GALNTL6: variants seen among roughly 807,000 people sequenced by gnomAD.
GALNTL6 encodes polypeptide N-acetylgalactosaminyltransferase-like 6.
GALNTL6 carries 46 observed loss-of-function variants against 73.7 expected under a neutral mutation model. That is an observed-to-expected ratio of 0.62 (90% confidence interval 0.49 to 0.80). GALNTL6 has a LOEUF of 0.80. Among genes scored for constraint, GALNTL6 ranks in the 30% least tolerant of loss-of-function variants. The pLI is 0.00. For missense variants in GALNTL6, 604 were observed against 755.0 expected (o/e 0.80, Z 2.34); for synonymous variants, 259 against 263.7 (o/e 0.98, Z 0.17).
chr4:172,998,065 C>T (rs968375073), intron 10 of GALNTL6, among the ~76,000 whole-genome samples: 2 of 152,070 alleles, frequency 1.3e-5, no homozygotes, highest in African/African-American at 4.8e-5. Context: ...CCCAACAAGT[C>T]CCAGGGCAAG....
intron 5 of GALNTL6, among the ~76,000 whole-genome samples, chr4:172,610,389 T>C (rs1257136904): frequency 6.6e-6 from 1 of 152,116 alleles, no homozygotes; most frequent in African/African-American, 2.4e-5. Flanking sequence ...GAGATTCTGG[T>C]ATGTTGTATC....
chr4:172,973,914 A>G (rs1235481641), intron 10 of GALNTL6, among the ~76,000 whole-genome samples: 2 of 152,230 alleles, frequency 1.3e-5, no homozygotes, highest in African/African-American at 4.8e-5. Context: ...TGGGAAATGT[A>G]TAGATGAGGA....
rs181442626 is a variant in GALNTL6, at chr4:171,894,712, C to A, written c.138+79994C>A. On this transcript the variant is annotated intron_variant, in intron 2 of 12. Transcript: ENST00000506823. ...AATCAAAGTTAAATGATTCAAGTGA[C>A]AAAGTTGATACTGAATCGCCCCAAA... Among the ~76,000 whole-genome samples the A allele has an allele frequency of 2.0e-5, 3 of 152,176 alleles. No individual in the cohort carries two copies. In the East Asian group the frequency reaches 5.8e-4, roughly 29 times the overall value.
At chr4:172,026,745 T>G (rs894627296) in intron 2 of GALNTL6, among the ~76,000 whole-genome samples, 1 of 152,178 alleles carries the variant, frequency 6.6e-6, no homozygotes, top group Admixed American at 6.6e-5. Context: ...GACTTTTACA[T>G]GTACTATGTA....
intron 2 of GALNTL6, among the ~76,000 whole-genome samples, chr4:171,848,619 A>G (rs1735438013): frequency 6.6e-6 from 1 of 152,212 alleles, no homozygotes; most frequent in Admixed American, 6.5e-5. Context: ...CTTCTACATC[A>G]GCGTCTACTG....
intron 3 of GALNTL6, among the ~76,000 whole-genome samples, chr4:172,238,576 T>G (rs1737317702): frequency 1.3e-5 from 2 of 150,840 alleles, no homozygotes; most frequent in South Asian, 2.1e-4. Context: ...CTCTTTCTAT[T>G]TAGATGCTTT....
chr4:172,599,589 T>A (rs1355475309), intron 5 of GALNTL6, among the ~76,000 whole-genome samples: 1 of 152,144 alleles, frequency 6.6e-6, no homozygotes, highest in Middle Eastern at 3.4e-3. Context: ...AAGGAAAAAA[T>A]TTCTTACCAT....
At chr4:172,195,359 T>C (rs1392398934) in intron 2 of GALNTL6, among the ~76,000 whole-genome samples, 1 of 152,190 alleles carries the variant, frequency 6.6e-6, no homozygotes. Context: ...AACACCCTAC[T>C]GTCAATATTA....
intron 2 of GALNTL6, among the ~76,000 whole-genome samples, chr4:171,942,265 AATAT>A (rs1463387002): frequency 1.1e-4 from 17 of 150,784 alleles, no homozygotes; most frequent in African/African-American, 1.9e-4. Flanking sequence ...TAAATAAATA[AATAT>A]AATATACAGA....
intron 2 of GALNTL6, among the ~76,000 whole-genome samples, chr4:172,057,730 ATATATATAT>A (rs1731072275): frequency 1.2e-4 from 7 of 59,386 alleles, no homozygotes; most frequent in African/African-American, 4.6e-4. Flanking sequence ...AAAAAAAAAT[ATATATATAT>A]ATATATATAT....
At chr4:172,005,275 C>T (rs1356589715) in intron 2 of GALNTL6, among the ~76,000 whole-genome samples, 1 of 151,992 alleles carries the variant, frequency 6.6e-6, no homozygotes, top group African/African-American at 2.4e-5. Flanking sequence ...CAGGTATGCA[C>T]CATCACACCT....
chr4:172,154,811 T>C (rs932290781), intron 2 of GALNTL6, among the ~76,000 whole-genome samples: 2 of 152,172 alleles, frequency 1.3e-5, no homozygotes, highest in African/African-American at 4.8e-5. Context: ...GGAAGAAACA[T>C]TTTTTGAAAA....
intron 5 of GALNTL6, among the ~76,000 whole-genome samples, chr4:172,453,073 C>T (rs1732268128): frequency 6.6e-6 from 1 of 152,100 alleles, no homozygotes; most frequent in African/African-American, 2.4e-5. Flanking sequence ...TGGTGGTACA[C>T]ACCTGTAGTC....
intron 3 of GALNTL6, among the ~76,000 whole-genome samples, chr4:172,270,783 T>C (rs1738619977): frequency 7.4e-6 from 1 of 135,636 alleles, no homozygotes; most frequent in Admixed American, 7.6e-5. Context: ...TCTCTAGATA[T>C]AGAGCTGTCT....
chr4:171,975,288 A>G (rs1034588576), intron 2 of GALNTL6, among the ~76,000 whole-genome samples: 1 of 152,188 alleles, frequency 6.6e-6, no homozygotes, highest in Non-Finnish European at 1.5e-5. Context: ...TGACTCCAGA[A>G]TATGTCCTCC....
At chr4:171,833,693 G>A (rs1477305305) in intron 2 of GALNTL6, among the ~76,000 whole-genome samples, 2 of 151,738 alleles carry the variant, frequency 1.3e-5, no homozygotes, top group African/African-American at 4.8e-5. Context: ...TTTCTGTATT[G>A]TTAAATTAGC....
In GALNTL6 at chr4:172,311,606, C is replaced by T. The variant is rs1215604018; in HGVS notation, c.248-8C>T. On this transcript the variant is annotated splice_region_variant and splice_polypyrimidine_tract_variant and intron_variant, in intron 3 of 12. Coordinates refer to ENST00000506823, the MANE Select transcript of GALNTL6 (RefSeq NM_001034845.3). ...AGATGATAATCTCATTTTGTTTTCT[C>T]CTGCTAGGGAAAGGTGAACATGGGA... 3 of 1,592,914 alleles carry T rather than the reference C, an allele frequency of 1.9e-6. No individual in the cohort carries two copies.
Position 172,589,168 on chromosome 4 carries a change from A to C in GALNTL6, c.554-220193A>C, listed in dbSNP as rs541976986. On this transcript the variant is annotated intron_variant, in intron 5 of 12. Coordinates refer to ENST00000506823, the MANE Select transcript of GALNTL6 (RefSeq NM_001034845.3). The stretch of plus-strand genomic sequence containing the variant: ...TTGTGTTTGCTTTGTATTTAGGGAT[A>C]TAATGTATAATAATAAAGCCCTACT... Among the ~76,000 whole-genome samples the C allele has an allele frequency of 3.7e-4, 57 of 152,302 alleles. 1 individual carries two copies. Among genetic ancestry groups the C allele is most frequent in the South Asian group, 2.1e-3 (10 of 4,828 alleles).
chr4:172,293,038 C>T (rs1053965654), intron 3 of GALNTL6, among the ~76,000 whole-genome samples: 14 of 152,076 alleles, frequency 9.2e-5, no homozygotes, highest in Admixed American at 9.2e-4. Context: ...AAATGTAAAT[C>T]CAATTATATT....
Sources: gnomAD v4.1 joint callset for allele counts (sites outside exome capture counted in the v4.1 genomes callset) on GRCh38, gnomAD v4.1.1 for gene constraint, MANE v1.5 for transcripts, NCBI Gene and HGNC (gene_info 2026-07-23, HGNC 2026-07-21) for gene names.